Variants in ABCF3 observed in about 807,000 individuals in gnomAD.
ABCF3 encodes ATP-binding cassette sub-family F member 3.
ABCF3 carries 62 observed loss-of-function variants against 94.3 expected under a neutral mutation model. The ratio of observed to expected loss-of-function variants is 0.66; its 90% CI spans 0.54 to 0.81. The LOEUF is 0.81. ABCF3 is among the 40% of genes least tolerant of loss of function. The probability of loss-of-function intolerance (pLI) is 0.00; values close to 1 mark genes in which losing one functional copy is unlikely to be tolerated. For missense variants in ABCF3, 843 were observed against 925.3 expected (o/e 0.91, Z 1.15); for synonymous variants, 355 against 361.1 (o/e 0.98, Z 0.19).
rs374778161 is a variant in ABCF3 at position 184,189,763 on chromosome 3, G to A, written c.1314+6G>A. The A allele has an allele frequency of 6.2e-7, 1 of 1,613,806 alleles. No individual in the cohort carries two copies. The highest frequency in any genetic ancestry group is 8.5e-7 in the Non-Finnish European group (1 of 1,180,002). ...AGTATCGCCAGCACATCCAGGTGTG[G>A]GGCCTGGCAGGGCTGGGGGTCCCAT... On this transcript the variant is annotated splice_donor_region_variant and intron_variant, in intron 13 of 20. Coordinates refer to ENST00000429586, the MANE Select transcript of ABCF3 (RefSeq NM_018358.3).
chr3:184,191,579 G>T (rs1347720242), intron 16 of ABCF3, among the ~76,000 whole-genome samples: 1 of 152,124 alleles, frequency 6.6e-6, no homozygotes, highest in African/African-American at 2.4e-5. Context: ...TCAGACTTCG[G>T]ATCTTGACTA....
At chr3:184,187,559 C>T in intron 4 of ABCF3, 105 bp from the exon 5 acceptor site, 1 of 1,537,754 alleles carries the variant, frequency 6.5e-7, no homozygotes, top group Admixed American at 1.7e-5. Flanking sequence ...GCCTTTGAGT[C>T]TGTTCATCAT....
At position 184,188,311 on chromosome 3, in the gene ABCF3, A is replaced by G. The variant is rs996171092; in HGVS notation, c.740A>G (p.Asp247Gly). The G allele has an allele frequency of 1.2e-6, 2 of 1,614,112 alleles. No homozygotes were observed. Among genetic ancestry groups the G allele is most frequent in the South Asian group, 2.2e-5 (2 of 91,082 alleles). ...GTTGAGCAAGAGGTTGCTGGAGATGACACTCCTGCCCTGCAGAGTGTGCTG... is the reference window on the plus strand; with the variant it reads ...GTTGAGCAAGAGGTTGCTGGAGATGGCACTCCTGCCCTGCAGAGTGTGCTG... ...LHVEQEVAGDDTPALQSVLES... is the reference protein window; with the variant it reads ...LHVEQEVAGDGTPALQSVLES... The change falls in exon 7 of 21, where the codon GAC becomes GGC. Residue 247 changes from aspartate to glycine, a missense_variant. By Grantham distance (94) the Asp-to-Gly change is moderately conservative. Transcript: ENST00000429586.
chr3:184,187,868 G>A lies in ABCF3; in HGVS notation c.454G>A (p.Glu152Lys). The change falls in exon 6 of 21, where the codon GAA becomes AAA. Residue 152 changes from glutamate to lysine, a missense_variant. Coordinates refer to ENST00000429586, the MANE Select transcript of ABCF3 (RefSeq NM_018358.3). ...CCATTTCTCCCTTTAAAGAGTCTTAGAAGAGGCATCAGCCAGCCAGGCAGG... is the reference window on the plus strand; with the variant it reads ...CCATTTCTCCCTTTAAAGAGTCTTAAAAGAGGCATCAGCCAGCCAGGCAGG... ...TLKTSNPLVLEEASASQAGSR... is the reference protein window; with the variant it reads ...TLKTSNPLVLKEASASQAGSR... 1 of 1,614,142 alleles carries A rather than the reference G, an allele frequency of 6.2e-7. No individual in the cohort carries two copies. The highest frequency in any genetic ancestry group is 1.1e-5 in the South Asian group (1 of 91,084).
At position 184,189,270 on chromosome 3, in the gene ABCF3, G is replaced by T. The variant is rs764726632; in HGVS notation, c.1050G>T (p.Leu350=). The T allele has an allele frequency of 6.2e-7, 1 of 1,614,192 alleles. No homozygotes were observed. The highest frequency in any genetic ancestry group is 1.1e-5 in the South Asian group (1 of 91,088). The part of the protein sequence containing the change: ...RALFARPDLL[L]LDEPTNMLDV... ...TTTTTCATAGGCCAGATCTTCTGCT[G>T]TTAGATGGTGAGTTTGAAATGGGGC... The change falls in exon 11 of 21, where the codon CTG becomes CTT. Residue 350 remains leucine, a synonymous_variant. Coordinates refer to ENST00000429586, the MANE Select transcript of ABCF3 (RefSeq NM_018358.3).
chr3:184,192,588 C>T lies in ABCF3; in HGVS notation c.1570-13C>T, dbSNP rs1204265445. ...TCTGGCACACACTGTATGACATTTT[C>T]ATGTTTCTTAAGGTTGGAGAGAATG... On this transcript the variant is annotated splice_polypyrimidine_tract_variant and intron_variant, in intron 16 of 20. Transcript: ENST00000429586. 1.2e-6 allele frequency: 2 copies of T among 1,604,582 alleles called. No homozygotes were observed. The highest frequency in any genetic ancestry group is 1.8e-5 in the Admixed American group (1 of 56,686).
chr3:184,192,790 G>A lies in ABCF3; in HGVS notation c.1659-15G>A, dbSNP rs751711738. 9 of 1,613,484 alleles carry A rather than the reference G, an allele frequency of 5.6e-6. No individual in the cohort carries two copies. The highest frequency in any genetic ancestry group is 1.7e-5 in the Admixed American group (1 of 59,970). The stretch of plus-strand genomic sequence containing the variant: ...TTGCCTTTGTCTGTTTTTCCACCTC[G>A]GCTTCTGCCTGCAGGAATCTGAAGA... On this transcript the variant is annotated splice_polypyrimidine_tract_variant and intron_variant, in intron 17 of 20. Coordinates refer to ENST00000429586, the MANE Select transcript of ABCF3 (RefSeq NM_018358.3).
intron 3 of ABCF3, 159 bp downstream of exon 3, chr3:184,187,034 G>T (rs1286182413): frequency 3.9e-6 from 3 of 769,500 alleles, no homozygotes; most frequent in Middle Eastern, 3.8e-4. Context: ...CCATGATGGG[G>T]GTGGGGAGGA....
At chr3:184,189,365 T>C (rs369013869) in intron 11 of ABCF3, 23 bp from the exon 12 acceptor site, 316 of 1,613,978 alleles carry the variant, frequency 2.0e-4, no homozygotes, top group Non-Finnish European at 2.5e-4. Context: ...CAATCCCAAG[T>C]GTGTGCTCCC....
chr3:184,188,393 G>C lies in ABCF3; in HGVS notation c.822G>C (p.Gln274His). 2 of 1,607,344 alleles carry C rather than the reference G, an allele frequency of 1.2e-6. No homozygotes were observed. The highest frequency in any genetic ancestry group is 1.7e-6 in the Non-Finnish European group (2 of 1,175,414). Reference protein sequence around the residue: ...LLRRERELTAQIAAGRAEGSE... With the variant: ...LLRRERELTAHIAAGRAEGSE... ...GGAGGGAGCGGGAGCTCACTGCCCAGATTGCTGCTGGCAGGTGAGGACTCC... is the reference window on the plus strand; with the variant it reads ...GGAGGGAGCGGGAGCTCACTGCCCACATTGCTGCTGGCAGGTGAGGACTCC... Residue 274 changes from glutamine to histidine, a missense_variant, in exon 7 of 21, where the codon CAG becomes CAC. Coordinates refer to ENST00000429586, the MANE Select transcript of ABCF3 (RefSeq NM_018358.3).
In ABCF3 at chr3:184,191,205, A is replaced by G. The variant is rs776267018; in HGVS notation, c.1519A>G (p.Ile507Val). The G allele has an allele frequency of 1.2e-6, 2 of 1,614,144 alleles. No individual in the cohort carries two copies. Residue 507 changes from isoleucine (I) to valine (V), a missense_variant, in exon 16 of 21, where the codon ATC becomes GTC. Coordinates refer to ENST00000429586, the MANE Select transcript of ABCF3 (RefSeq NM_018358.3). ...TTTCTACTACGATCCGAAGCACGTCATCTTCAGTCGCCTCTCTGTGTCTGC... is the reference window on the plus strand; with the variant it reads ...TTTCTACTACGATCCGAAGCACGTCGTCTTCAGTCGCCTCTCTGTGTCTGC... ...VDFYYDPKHV[I>V]FSRLSVSADL...
At position 184,193,843 on chromosome 3, in the gene ABCF3, C is replaced by A; in HGVS notation, c.*145C>A. The A allele has an allele frequency of 9.3e-7, 1 of 1,069,548 alleles. No individual in the cohort carries two copies. 66.3% of individuals were successfully genotyped at this position (1,069,548 alleles called of 1,614,324 possible). A position where few individuals can be genotyped will look rare whatever the true frequency, so the allele number is the denominator to read the frequency against. ...AATGTCTCTATCCTTTTGACTGGAG[C>A]ATCTTCTGCACAACCTTGGGAGCCC... On this transcript the variant is annotated 3_prime_UTR_variant, in exon 21 of 21. Transcript: ENST00000429586. This position sits in a 1 kb window ranked among gnomAD's most constrained non-coding sequence, Gnocchi z 5.2.
chr3:184,189,631 C>T lies in ABCF3; in HGVS notation c.1188C>T (p.His396=). Residue 396 remains histidine (H), a synonymous_variant, in exon 13 of 21, where the codon CAC becomes CAT. Coordinates refer to ENST00000429586, the MANE Select transcript of ABCF3 (RefSeq NM_018358.3). Reference sequence around the variant, plus strand: ...ATGCCATCGCCACAGACATCATCCACCTGCACAGCCAGCGGCTAGATGGTT... The same window carrying T: ...ATGCCATCGCCACAGACATCATCCATCTGCACAGCCAGCGGCTAGATGGTT... ...FLNAIATDII[H]LHSQRLDGYR... is the part of the protein sequence containing the mutation. 2 of 1,614,232 alleles carry T rather than the reference C, an allele frequency of 1.2e-6. No homozygotes were observed. Among genetic ancestry groups the T allele is most frequent in the South Asian group, 1.1e-5 (1 of 91,084 alleles).
At chr3:184,186,991 G>A in intron 3 of ABCF3, 116 bp downstream of exon 3, 5 of 1,087,196 alleles carry the variant, frequency 4.6e-6, no homozygotes, top group Non-Finnish European at 6.6e-6. Flanking sequence ...GGTTGTAGGA[G>A]CTAGTTGATG....
Position 184,187,112 on chromosome 3 carries a change from C to G in ABCF3, c.301+237C>G, listed in dbSNP as rs1402255677. 7.7e-5 allele frequency: 49 copies of G among 634,136 alleles called. 1 individual carries two copies. In the South Asian group the frequency reaches 9.4e-4, roughly 12 times the overall value. The allele number at this position is 634,136 out of a possible 1,614,324, so 39.3% of individuals were successfully genotyped here. ...GCATAAGAGCCTGGAGCTGGACAGA[C>G]TTGCTTTCACCCCCAGTTTTGCAAC... On this transcript the variant is annotated intron_variant, in intron 3 of 20. Coordinates refer to ENST00000429586, the MANE Select transcript of ABCF3 (RefSeq NM_018358.3).
At position 184,186,491 on chromosome 3, in the gene ABCF3, A is replaced by G; in HGVS notation, c.74-16A>G. 6.2e-7 allele frequency: 1 copy of G among 1,602,658 alleles called. No homozygotes were observed. The highest frequency in any genetic ancestry group is 2.2e-5 in the East Asian group (1 of 44,778). ...CCCTACCCGATACCTTCCTCGTTCT[A>G]CCACGCCCTGCCCAGGCGTCTTGCA... On this transcript the variant is annotated splice_polypyrimidine_tract_variant and intron_variant, in intron 1 of 20. Coordinates refer to ENST00000429586, the MANE Select transcript of ABCF3 (RefSeq NM_018358.3).
chr3:184,186,378 T>C (rs1715618439), intron 1 of ABCF3, 98 bp downstream of exon 1: 2 of 1,591,344 alleles, frequency 1.3e-6, no homozygotes. Flanking sequence ...AGGCCTCTCC[T>C]CTGCATGACC....
chr3:184,188,862 C>T, intron 8 of ABCF3, 21 bp downstream of exon 8: 1 of 1,614,150 alleles, frequency 6.2e-7, no homozygotes, highest in East Asian at 2.2e-5. Flanking sequence ...CTCCCCCTCC[C>T]TCCTTCAGAT....
chr3:184,189,374 C>A lies in ABCF3; in HGVS notation c.1058-14C>A, dbSNP rs1715859994. ...GCCCTTCAATCCCAAGTGTGTGCTC[C>A]CCTGCTTCTCCAGAACCTACAAACA... On this transcript the variant is annotated splice_polypyrimidine_tract_variant and intron_variant, in intron 11 of 20. Coordinates refer to ENST00000429586, the MANE Select transcript of ABCF3 (RefSeq NM_018358.3). 1.9e-6 allele frequency: 3 copies of A among 1,614,106 alleles called. No individual in the cohort carries two copies. Among genetic ancestry groups the A allele is most frequent in the Non-Finnish European group, 2.5e-6 (3 of 1,180,020 alleles).
Sources: gnomAD v4.1 joint callset for allele counts (sites outside exome capture counted in the v4.1 genomes callset) on GRCh38, gnomAD v4.1.1 for gene constraint, Gnocchi (gnomAD v3.1) non-coding constraint, MANE v1.5 for transcripts, NCBI Gene and HGNC (gene_info 2026-07-23, HGNC 2026-07-21) for gene names.